The following MICU3 variants were observed in gnomAD, a reference collection of about 807,000 sequenced individuals.
MICU3 encodes the protein mitochondrial calcium uptake 3, also known as calcium uptake protein 3, mitochondrial.
In MICU3, 62 loss-of-function variants were observed where a neutral mutation model predicts 66.5. The ratio of observed to expected loss-of-function variants is 0.93; its 90% CI spans 0.76 to 1.15. The LOEUF is 1.15. MICU3 is among the 50% of genes most tolerant of loss of function. MICU3 has a pLI of 0.00. For synonymous variants in MICU3, 308 were observed against 240.7 expected (o/e 1.28, Z -2.59); for missense variants, 779 against 664.4 (o/e 1.17, Z -1.90).
chr8:17,087,054 AGC>A lies in MICU3; in HGVS notation c.849+20_849+21del. 1.3e-6 allele frequency: 2 copies of A among 1,520,598 alleles called. No homozygotes were observed. Among genetic ancestry groups the A allele is most frequent in the Non-Finnish European group, 1.8e-6 (2 of 1,103,434 alleles). The allele number at this position is 1,520,598 out of a possible 1,614,324, so 94.2% of individuals were successfully genotyped here. A position where few individuals can be genotyped will look rare whatever the true frequency, so the allele number is the denominator to read the frequency against. Reference sequence around the variant, plus strand: ...AATGCTGGTAAGAATACTTTATAGTAGCTTTAGGTGGCTTTTGTAGGCAACAA... The same window carrying A: ...AATGCTGGTAAGAATACTTTATAGTATTTAGGTGGCTTTTGTAGGCAACAA... On this transcript the variant is annotated intron_variant, in intron 7 of 14. Coordinates refer to ENST00000318063, the MANE Select transcript of MICU3 (RefSeq NM_181723.3).
At chr8:17,123,134 T>A (rs751315425), downstream of MICU3, among the ~76,000 whole-genome samples, 8 of 152,106 alleles carry the variant, frequency 5.3e-5, no homozygotes, top group Non-Finnish European at 1.0e-4. Flanking sequence ...TCACTGTGGT[T>A]TGTAAAAAAT....
the MICU3 span, chr8:17,132,330 A>G: frequency 6.6e-6 from 1 of 152,126 alleles, no homozygotes; most frequent in Non-Finnish European, 1.5e-5. Flanking sequence ...TCCTTCTTCT[A>G]CTGTTCATTG....
rs1291828908 is a variant in MICU3, at chr8:17,027,576, C to G, written c.297C>G (p.Pro99=). The change falls in exon 1 of 15, where the codon CCC becomes CCG. Residue 99 remains proline, a synonymous_variant. Coordinates refer to ENST00000318063, the MANE Select transcript of MICU3 (RefSeq NM_181723.3). Reference sequence around the variant, plus strand: ...CCGGCTCGCCGGCGACCGGGCGACCCTCAAAGAGCGCGGCCACGGAGCCCG... The same window carrying G: ...CCGGCTCGCCGGCGACCGGGCGACCGTCAAAGAGCGCGGCCACGGAGCCCG... ...PRAGSPATGR[P]SKSAATEPED... The G allele has an allele frequency of 7.8e-7, 1 of 1,289,140 alleles. No individual in the cohort carries two copies. Among genetic ancestry groups the G allele is most frequent in the Non-Finnish European group, 9.8e-7 (1 of 1,021,774 alleles). The allele number at this position is 1,289,140 out of a possible 1,614,324, so 79.9% of individuals were successfully genotyped here.
At chr8:17,036,994 G>A (rs951059011) in intron 1 of MICU3, among the ~76,000 whole-genome samples, 4 of 152,214 alleles carry the variant, frequency 2.6e-5, no homozygotes, top group Non-Finnish European at 4.4e-5. Flanking sequence ...GCGAGAAATC[G>A]AGCGCAGCGC....
At chr8:17,048,591 T>C (rs1378787933) in intron 1 of MICU3, among the ~76,000 whole-genome samples, 4 of 152,168 alleles carry the variant, frequency 2.6e-5, no homozygotes, top group Non-Finnish European at 4.4e-5. Context: ...TTGAATTGAA[T>C]CTTCTTCACA....
chr8:17,035,942 C>T (rs1230371256), intron 1 of MICU3, among the ~76,000 whole-genome samples: 1 of 152,188 alleles, frequency 6.6e-6, no homozygotes, highest in African/African-American at 2.4e-5. Flanking sequence ...CCACCACAGA[C>T]CTGGAAGCCT....
At chr8:17,082,055 A>G in intron 5 of MICU3, 2 of 194,684 alleles carry the variant, frequency 1.0e-5, no homozygotes, top group East Asian at 1.7e-4. Context: ...TACTGTACTC[A>G]TTTGAATCAT....
chr8:17,069,055 G>T (rs1039173910), intron 2 of MICU3, among the ~76,000 whole-genome samples: 26 of 152,058 alleles, frequency 1.7e-4, no homozygotes, highest in Non-Finnish European at 3.1e-4. Flanking sequence ...GTGTGAGGAG[G>T]AATCACAAAA....
the MICU3 span, among the ~76,000 whole-genome samples, chr8:17,129,104 A>T: frequency 4.6e-5 from 7 of 152,212 alleles, no homozygotes; most frequent in East Asian, 1.2e-3. Flanking sequence ...AGTAAAGACA[A>T]CTCTTGACCT....
intron 1 of MICU3, among the ~76,000 whole-genome samples, chr8:17,048,513 A>G (rs2150558773): frequency 6.6e-6 from 1 of 152,340 alleles, no homozygotes; most frequent in Middle Eastern, 3.4e-3. Flanking sequence ...CCCATGATTC[A>G]GTTACCTCCC....
At chr8:17,098,002 TATAG>T (rs550568757) in intron 8 of MICU3, among the ~76,000 whole-genome samples, 373 of 151,878 alleles carry the variant, frequency 2.5e-3, no homozygotes, top group African/African-American at 8.6e-3. Flanking sequence ...TTCTGTAAAG[TATAG>T]ATAAAGTTAT....
chr8:17,070,940 C>G (rs1264065490), intron 3 of MICU3, among the ~76,000 whole-genome samples: 1 of 152,074 alleles, frequency 6.6e-6, no homozygotes, highest in Non-Finnish European at 1.5e-5. Flanking sequence ...CGTGGATATA[C>G]TGGGTAAAGG....
At chr8:17,061,134 G>T (rs565771890) in intron 1 of MICU3, among the ~76,000 whole-genome samples, 1 of 152,284 alleles carries the variant, frequency 6.6e-6, no homozygotes, top group East Asian at 1.9e-4. Context: ...TAGGAAAGTA[G>T]TAATGAGTCC....
At chr8:17,093,659 G>C (rs904843032) in intron 8 of MICU3, among the ~76,000 whole-genome samples, 1 of 151,754 alleles carries the variant, frequency 6.6e-6, no homozygotes, top group African/African-American at 2.4e-5. Flanking sequence ...GTTGTTACCT[G>C]TATAAGATTA....
intron 1 of MICU3, among the ~76,000 whole-genome samples, chr8:17,029,101 T>C (rs866844575): frequency 3.9e-5 from 6 of 152,234 alleles, no homozygotes; most frequent in Non-Finnish European, 7.3e-5. Flanking sequence ...ATGAGGCTAA[T>C]AGTCTCCTGG....
At chr8:17,067,775 G>A (rs1198929609) in intron 2 of MICU3, among the ~76,000 whole-genome samples, 2 of 152,046 alleles carry the variant, frequency 1.3e-5, no homozygotes, top group East Asian at 3.9e-4. Context: ...TATTTACACG[G>A]CACACCATTT....
At chr8:17,093,270 A>G (rs1800277621) in intron 8 of MICU3, among the ~76,000 whole-genome samples, 1 of 152,020 alleles carries the variant, frequency 6.6e-6, no homozygotes, top group Non-Finnish European at 1.5e-5. Context: ...AGTACATTTG[A>G]CTTTGGCATG....
At chr8:17,129,407 TA>T in the MICU3 span, among the ~76,000 whole-genome samples, 1 of 152,078 alleles carries the variant, frequency 6.6e-6, no homozygotes, top group Non-Finnish European at 1.5e-5. Flanking sequence ...TAAGTAAAAA[TA>T]ATAGCATAAT....
In MICU3 at chr8:17,081,842, A is replaced by T. The variant is rs554187567; in HGVS notation, c.694+102A>T. The T allele has an allele frequency of 4.9e-6, 3 of 611,496 alleles. No individual in the cohort carries two copies. The African/African-American group carries it at 5.6e-5, about 11-fold the overall frequency. 37.9% of individuals were successfully genotyped at this position (611,496 alleles called of 1,614,324 possible). A position where few individuals can be genotyped will look rare whatever the true frequency, so the allele number is the denominator to read the frequency against. On this transcript the variant is annotated intron_variant, in intron 5 of 14. Transcript: ENST00000318063. ...CTCTTACTCTTGAAAATCAATATCCATGCTGTTCTGCAAAATTCATGTTTA... is the reference window on the plus strand; with the variant it reads ...CTCTTACTCTTGAAAATCAATATCCTTGCTGTTCTGCAAAATTCATGTTTA...
Sources: gnomAD v4.1 joint callset for allele counts (sites outside exome capture counted in the v4.1 genomes callset) on GRCh38, gnomAD v4.1.1 for gene constraint, MANE v1.5 for transcripts, NCBI Gene and HGNC (gene_info 2026-07-23, HGNC 2026-07-21) for gene names.